Variants in CAMTA1 observed in about 807,000 individuals in gnomAD.
The protein encoded by CAMTA1 is calmodulin-binding transcription activator 1.
A neutral mutation model predicts 170.9 loss-of-function variants in CAMTA1; 27 were observed. The ratio of observed to expected loss-of-function variants is 0.16; its 90% CI spans 0.12 to 0.22. The LOEUF (loss-of-function observed/expected upper bound fraction) is 0.22, where lower values mean the gene tolerates loss of function less well. CAMTA1 is among the 10% of genes least tolerant of loss of function. The pLI, the probability that CAMTA1 is intolerant of heterozygous loss-of-function variation, is 1.00. For synonymous variants in CAMTA1, 833 were observed against 891.5 expected, an observed-to-expected ratio of 0.93 and a Z score of 1.17; for missense variants, 1,619 against 2,217.2, an observed-to-expected ratio of 0.73 and a Z score of 5.42.
intron 6 of CAMTA1, among the ~76,000 whole-genome samples, chr1:7,528,425 G>T (rs151307570): frequency 2.6e-5 from 4 of 151,406 alleles, no homozygotes; most frequent in Admixed American, 6.6e-5. Context: ...TAATATTTTG[G>T]TTTTTTAAAA....
intron 1 of CAMTA1, among the ~76,000 whole-genome samples, chr1:6,789,499 A>G (rs1353817017): frequency 2.0e-5 from 3 of 152,236 alleles, no homozygotes; most frequent in South Asian, 2.1e-4. Flanking sequence ...TTTGGGGGAA[A>G]TACCCCTTTG....
intron 3 of CAMTA1, among the ~76,000 whole-genome samples, chr1:6,854,416 G>A (rs1449081417): frequency 6.6e-6 from 1 of 152,148 alleles, no homozygotes; most frequent in Non-Finnish European, 1.5e-5. Context: ...AAGTACGTTT[G>A]TGTAAGTACA....
At chr1:7,097,482 G>T (rs1001356979) in intron 4 of CAMTA1, among the ~76,000 whole-genome samples, 39 of 152,202 alleles carry the variant, frequency 2.6e-4, no homozygotes, top group African/African-American at 9.2e-4. Flanking sequence ...GCCCCAGGCT[G>T]GTCCTGGTGC....
intron 3 of CAMTA1, among the ~76,000 whole-genome samples, chr1:6,986,489 G>A (rs1451003632): frequency 1.3e-5 from 2 of 152,132 alleles, no homozygotes; most frequent in South Asian, 2.1e-4. Context: ...GAGGATGAAC[G>A]ATTTACAAAG....
chr1:7,514,897 G>A (rs2094258821), intron 6 of CAMTA1, among the ~76,000 whole-genome samples: 1 of 152,126 alleles, frequency 6.6e-6, no homozygotes, highest in African/African-American at 2.4e-5. Context: ...ATTCAAAACA[G>A]TCCCAGAGGA....
rs961840127 is a variant in CAMTA1 at position 7,063,425 on chromosome 1, T to C, written c.235-27879T>C. Among the ~76,000 whole-genome samples the C allele has an allele frequency of 2.0e-5, 3 of 152,174 alleles. No homozygotes were observed. The highest frequency in any genetic ancestry group is 7.2e-5 in the African/African-American group (3 of 41,462). Reference sequence around the variant, plus strand: ...CCCTGCCCTTTATCTTAGCAGGGCATCTCTGGAGAGAATGTTCCACGGAGC... The same window carrying C: ...CCCTGCCCTTTATCTTAGCAGGGCACCTCTGGAGAGAATGTTCCACGGAGC... On this transcript the variant is annotated intron_variant, in intron 3 of 22. Transcript: ENST00000303635. This position sits in a 1 kb window ranked among gnomAD's most constrained non-coding sequence, Gnocchi z 4.3.
Position 7,661,938 on chromosome 1 carries a change from G to A in CAMTA1, c.805+72G>A, listed in dbSNP as rs2095962029. The stretch of plus-strand genomic sequence containing the variant: ...GCCCTACCAGGCAGCCGTCATGGCT[G>A]TCCTCTGTGGGAGTAGCCATGACAT... On this transcript the variant is annotated intron_variant, in intron 8 of 22. Transcript: ENST00000303635. 3.3e-6 allele frequency: 5 copies of A among 1,503,142 alleles called. No homozygotes were observed. The Admixed American group carries it at 6.2e-5, about 19-fold the overall frequency. 93.1% of individuals were successfully genotyped at this position (1,503,142 alleles called of 1,614,324 possible). A position where few individuals can be genotyped will look rare whatever the true frequency, so the allele number is the denominator to read the frequency against.
intron 5 of CAMTA1, among the ~76,000 whole-genome samples, chr1:7,437,079 C>A (rs1200168033): frequency 6.6e-6 from 1 of 152,010 alleles, no homozygotes; most frequent in Non-Finnish European, 1.5e-5. Flanking sequence ...AAACTGACAG[C>A]CGCAGGCAAG....
intron 3 of CAMTA1, among the ~76,000 whole-genome samples, chr1:6,858,065 C>T (rs139510604): frequency 1.3e-5 from 2 of 152,172 alleles, no homozygotes; most frequent in East Asian, 3.9e-4. Context: ...TTCAGGATCC[C>T]AGGAATGGGA....
At position 7,482,753 on chromosome 1, in the gene CAMTA1, G is replaced by A. The variant is rs915902373; in HGVS notation, c.510+14852G>A. Among the ~76,000 whole-genome samples, 4 of 152,138 alleles carry A rather than the reference G, an allele frequency of 2.6e-5. No individual in the cohort carries two copies. Among genetic ancestry groups the A allele is most frequent in the Admixed American group, 6.5e-5 (1 of 15,276 alleles). On this transcript the variant is annotated intron_variant, in intron 6 of 22. Coordinates refer to ENST00000303635, the MANE Select transcript of CAMTA1 (RefSeq NM_015215.4). This position sits in a 1 kb window ranked among gnomAD's most constrained non-coding sequence, Gnocchi z 4.2. ...ACCAAGTTCTCAGAAAAACACTGTC[G>A]GTTCCAAAGAAATGAGCTCCCATGG...
intron 3 of CAMTA1, among the ~76,000 whole-genome samples, chr1:6,884,706 C>A (rs944387722): frequency 6.6e-6 from 1 of 152,200 alleles, no homozygotes; most frequent in Non-Finnish European, 1.5e-5. Flanking sequence ...TATTTGTGAA[C>A]CCTGTGTTCT....
At chr1:7,654,597 C>T (rs1344619782) in intron 7 of CAMTA1, among the ~76,000 whole-genome samples, 1 of 16,510 alleles carries the variant, frequency 6.1e-5, no homozygotes, top group African/African-American at 1.5e-4. Flanking sequence ...CACAGCTATA[C>T]ACACACACTC....
intron 3 of CAMTA1, among the ~76,000 whole-genome samples, chr1:7,006,068 G>T (rs758636109): frequency 2.6e-5 from 4 of 152,134 alleles, no homozygotes; most frequent in African/African-American, 7.2e-5. Flanking sequence ...AGCAGGGTGG[G>T]GTCTGTGCCA....
chr1:7,420,564 G>A (rs550423455), intron 5 of CAMTA1, among the ~76,000 whole-genome samples: 2 of 151,728 alleles, frequency 1.3e-5, no homozygotes, highest in Non-Finnish European at 2.9e-5. Context: ...TGTGGCCCTC[G>A]TTTGCTCTTC....
chr1:7,390,481 G>A (rs2088574776), intron 5 of CAMTA1, among the ~76,000 whole-genome samples: 1 of 152,172 alleles, frequency 6.6e-6, no homozygotes, highest in Non-Finnish European at 1.5e-5. Flanking sequence ...ACCAGTGCAC[G>A]GCCCAGGATT....
At chr1:6,920,118 T>C (rs1057088652) in intron 3 of CAMTA1, among the ~76,000 whole-genome samples, 1 of 152,216 alleles carries the variant, frequency 6.6e-6, no homozygotes, top group African/African-American at 2.4e-5. Flanking sequence ...GGCAAGTCTC[T>C]TCTGGCTATG....
At chr1:7,101,666 A>C (rs1254784620) in intron 4 of CAMTA1, among the ~76,000 whole-genome samples, 3 of 152,220 alleles carry the variant, frequency 2.0e-5, no homozygotes, top group African/African-American at 7.2e-5. Flanking sequence ...GCACATACAC[A>C]CACAGCACAC....
Position 7,091,481 on chromosome 1 carries a change from T to C in CAMTA1, c.302+110T>C, listed in dbSNP as rs1250432817. 1.1e-5 allele frequency: 9 copies of C among 822,800 alleles called. No individual in the cohort carries two copies. The East Asian group carries it at 1.5e-4, about 14-fold the overall frequency. The allele number at this position is 822,800 out of a possible 1,614,324, so 51.0% of individuals were successfully genotyped here. On this transcript the variant is annotated intron_variant, in intron 4 of 22. Coordinates refer to ENST00000303635, the MANE Select transcript of CAMTA1 (RefSeq NM_015215.4). ...CATGGGCAACGAGTTGAAAATGCCA[T>C]GTTGTGCTGGATGGCTTTCGACACT... is the stretch of plus-strand genomic sequence containing the variant.
At chr1:7,035,501 G>A (rs188699939) in intron 3 of CAMTA1, among the ~76,000 whole-genome samples, 17 of 152,338 alleles carry the variant, frequency 1.1e-4, no homozygotes, top group African/African-American at 3.8e-4. Context: ...TAAGCACATG[G>A]CAATGAAGAA....
Sources: gnomAD v4.1 joint callset for allele counts (sites outside exome capture counted in the v4.1 genomes callset) on GRCh38, gnomAD v4.1.1 for gene constraint, Gnocchi (gnomAD v3.1) non-coding constraint, MANE v1.5 for transcripts, NCBI Gene and HGNC (gene_info 2026-07-23, HGNC 2026-07-21) for gene names.